CACHD1: variants seen among roughly 807,000 people sequenced by gnomAD.
CACHD1 encodes VWFA and cache domain-containing protein 1.
A neutral mutation model predicts 138.7 loss-of-function variants in CACHD1; 71 were observed. That is an observed-to-expected ratio of 0.51 (90% CI 0.42 to 0.62). The LOEUF (loss-of-function observed/expected upper bound fraction) is 0.62. CACHD1 is among the 20% of genes least tolerant of loss of function. CACHD1 has a pLI of 0.00. For missense variants in CACHD1, 1,389 were observed against 1,625.3 expected (o/e 0.85, Z 2.50); for synonymous variants, 578 against 591.5 (o/e 0.98, Z 0.33).
chr1:64,588,744 A>G (rs142337881), intron 3 of CACHD1, among the ~76,000 whole-genome samples: 4 of 152,258 alleles, frequency 2.6e-5, no homozygotes, highest in East Asian at 1.9e-4. Context: ...AATTTCTTCT[A>G]TAGACGTTAC....
chr1:64,485,562 A>T (rs1029642490), intron 1 of CACHD1, among the ~76,000 whole-genome samples: 2 of 152,014 alleles, frequency 1.3e-5, no homozygotes, highest in Non-Finnish European at 2.9e-5. Flanking sequence ...ATTAAAGAAC[A>T]TTTGAGTTTT....
chr1:64,691,242 A>C, intron 26 of CACHD1, 81 bp from the exon 27 acceptor site: 2 of 1,287,858 alleles, frequency 1.6e-6, no homozygotes, highest in South Asian at 1.3e-5. Flanking sequence ...AATACCTCCC[A>C]GTGCCCTAGA....
chr1:64,587,643 G>C (rs1167147960), intron 3 of CACHD1, among the ~76,000 whole-genome samples: 1 of 152,142 alleles, frequency 6.6e-6, no homozygotes, highest in Non-Finnish European at 1.5e-5. Flanking sequence ...AAAAAAATAG[G>C]CTAAATTTAA....
chr1:64,534,223 T>C (rs1023158560), intron 1 of CACHD1, among the ~76,000 whole-genome samples: 1 of 151,992 alleles, frequency 6.6e-6, no homozygotes, highest in Non-Finnish European at 1.5e-5. Flanking sequence ...TTTGTACTTT[T>C]AGTAGAAACA....
chr1:64,563,495 T>A (rs953370631), intron 2 of CACHD1, among the ~76,000 whole-genome samples: 4 of 152,206 alleles, frequency 2.6e-5, no homozygotes, highest in Non-Finnish European at 5.9e-5. Context: ...TTTGTTCATA[T>A]GAGAATAAAG....
chr1:64,583,818 C>T (rs537803653), intron 3 of CACHD1, among the ~76,000 whole-genome samples: 42 of 151,846 alleles, frequency 2.8e-4, no homozygotes, highest in African/African-American at 8.9e-4. Flanking sequence ...CGTCAGATCT[C>T]GTGAAACTTA....
At chr1:64,510,120 G>C (rs1417748747) in intron 1 of CACHD1, among the ~76,000 whole-genome samples, 4 of 152,182 alleles carry the variant, frequency 2.6e-5, no homozygotes, top group Non-Finnish European at 5.9e-5. Flanking sequence ...AGGAGCCTCA[G>C]GTGAATTCTC....
At chr1:64,499,073 C>T (rs1013814689) in intron 1 of CACHD1, among the ~76,000 whole-genome samples, 1 of 152,166 alleles carries the variant, frequency 6.6e-6, no homozygotes, top group Admixed American at 6.5e-5. Flanking sequence ...GATACAGCGG[C>T]TCCAGCATCT....
chr1:64,556,074 T>G (rs1397904072), intron 2 of CACHD1, among the ~76,000 whole-genome samples: 1 of 152,218 alleles, frequency 6.6e-6, no homozygotes, highest in Non-Finnish European at 1.5e-5. Flanking sequence ...CTTCAAACCC[T>G]GAGGTTTATC....
At chr1:64,506,472 C>G (rs746091761) in intron 1 of CACHD1, 25 of 152,200 alleles carry the variant, frequency 1.6e-4, no homozygotes, top group Non-Finnish European at 3.1e-4. Flanking sequence ...GTTTGATCTT[C>G]CCAACCACCA....
At chr1:64,679,191 C>T (rs147109116) in intron 23 of CACHD1, among the ~76,000 whole-genome samples, 84 of 152,250 alleles carry the variant, frequency 5.5e-4, no homozygotes, top group African/African-American at 1.9e-3. Context: ...ATCCGGTTAG[C>T]GCATATTTAT....
At position 64,652,223 on chromosome 1, in the gene CACHD1, G is replaced by T. The variant is rs1649118685; in HGVS notation, c.1453G>T (p.Val485Leu). 1 of 1,613,490 alleles carries T rather than the reference G, an allele frequency of 6.2e-7. No homozygotes were observed. Among genetic ancestry groups the T allele is most frequent in the African/African-American group, 1.3e-5 (1 of 74,912 alleles). ...AAACCTACTTCTGGGAATTGTAGGTGTGGACGTGAATCTGGCTTACATTCT... is the reference window on the plus strand; with the variant it reads ...AAACCTACTTCTGGGAATTGTAGGTTTGGACGTGAATCTGGCTTACATTCT... ...FGNLLLGIVG[V>L]DVNLAYILED... Residue 485 changes from valine (V) to leucine (L), a missense_variant, in exon 10 of 27, where the codon GTG (valine) becomes TTG (leucine). This residue lies in a region of CACHD1 where 1,000 missense variants were observed against 1,114.7 expected (regional missense o/e 0.90). Transcript: ENST00000651257.
At chr1:64,629,724 C>T (rs1398112763) in intron 5 of CACHD1, among the ~76,000 whole-genome samples, 3 of 151,944 alleles carry the variant, frequency 2.0e-5, no homozygotes, top group East Asian at 1.9e-4. Flanking sequence ...GGTACTTACT[C>T]GTGAAGTCAA....
chr1:64,650,031 G>A (rs925890614), intron 9 of CACHD1, among the ~76,000 whole-genome samples: 2 of 152,152 alleles, frequency 1.3e-5, no homozygotes, highest in Admixed American at 6.5e-5. Flanking sequence ...TAAAATATCA[G>A]TTACTGAACA....
chr1:64,540,997 T>C (rs549732154), intron 1 of CACHD1, among the ~76,000 whole-genome samples: 7 of 152,150 alleles, frequency 4.6e-5, no homozygotes, highest in African/African-American at 1.4e-4. Flanking sequence ...TGTGTGTGTG[T>C]GCACGCCCGC....
chr1:64,554,472 C>T (rs1308521527), intron 2 of CACHD1, among the ~76,000 whole-genome samples: 2 of 152,302 alleles, frequency 1.3e-5, no homozygotes, highest in African/African-American at 4.8e-5. Flanking sequence ...ACTGCTTCCA[C>T]AGTGGCTGTC....
At chr1:64,685,930 G>A (rs547433210) in intron 26 of CACHD1, among the ~76,000 whole-genome samples, 1 of 152,224 alleles carries the variant, frequency 6.6e-6, no homozygotes, top group Non-Finnish European at 1.5e-5. Flanking sequence ...GGTGCTCAGG[G>A]TTGACCTCCC....
At chr1:64,634,502 G>A (rs1191343253) in intron 7 of CACHD1, among the ~76,000 whole-genome samples, 2 of 151,790 alleles carry the variant, frequency 1.3e-5, no homozygotes, top group African/African-American at 4.8e-5. Context: ...TTCTACTTCA[G>A]CCTCCCAAGT....
At chr1:64,478,828 G>C (rs1646191921) in intron 1 of CACHD1, among the ~76,000 whole-genome samples, 2 of 152,192 alleles carry the variant, frequency 1.3e-5, no homozygotes, top group African/African-American at 4.8e-5. Flanking sequence ...CATGTGCCAA[G>C]GGTGAAGGGG....
Sources: allele counts gnomAD v4.1 joint callset (sites outside exome capture counted in the v4.1 genomes callset), GRCh38; gene constraint gnomAD v4.1.1; regional missense constraint gnomAD v4.1.1; transcripts MANE v1.5; gene names NCBI Gene and HGNC (gene_info 2026-07-23, HGNC 2026-07-21).